The following NIM1K variants were observed in gnomAD, a reference collection of about 807,000 sequenced individuals.
NIM1K encodes serine/threonine-protein kinase NIM1.
In NIM1K, 35 loss-of-function variants were observed where a neutral mutation model predicts 37.1. That is an observed-to-expected ratio of 0.94 (90% CI 0.72 to 1.25). The LOEUF (loss-of-function observed/expected upper bound fraction) is 1.25, where lower values mean the gene tolerates loss of function less well. Among genes scored for constraint, NIM1K ranks in the 50% most tolerant of loss-of-function variants. The pLI, the probability that NIM1K is intolerant of heterozygous loss-of-function variation, is 0.00. For synonymous variants in NIM1K, 234 were observed against 206.6 expected (o/e 1.13, Z -1.14); for missense variants, 564 against 548.0 (o/e 1.03, Z -0.29).
intron 1 of NIM1K, among the ~76,000 whole-genome samples, chr5:43,218,724 C>CA: frequency 7.1e-6 from 1 of 141,136 alleles, no homozygotes; most frequent in South Asian, 2.3e-4. Context: ...TTCTTCTTTT[C>CA]TTTTTTTTTT....
At chr5:43,272,921 C>G (rs1297109138) in intron 2 of NIM1K, among the ~76,000 whole-genome samples, 1 of 152,176 alleles carries the variant, frequency 6.6e-6, no homozygotes, top group Non-Finnish European at 1.5e-5. Context: ...TCCCCACTAA[C>G]TCCCTGTTCC....
intron 2 of NIM1K, among the ~76,000 whole-genome samples, chr5:43,253,099 T>C (rs1752889704): frequency 6.8e-6 from 1 of 148,122 alleles, no homozygotes; most frequent in African/African-American, 2.5e-5. Context: ...CACCTCAGCC[T>C]CCCAAAGCAC....
Position 43,232,534 on chromosome 5 carries a change from C to G in NIM1K, c.-694-12548C>G, listed in dbSNP as rs964219119. 7 of 1,576,858 alleles carry G rather than the reference C, an allele frequency of 4.4e-6. No homozygotes were observed. The African/African-American group carries it at 9.4e-5, about 21-fold the overall frequency. On this transcript the variant is annotated intron_variant, in intron 1 of 3. Coordinates refer to ENST00000326035, the MANE Select transcript of NIM1K (RefSeq NM_153361.4). ...GGCGTTCAGTATCAAGGTTCTATGC[C>G]AGATATCATAAGTGGCCTCATTGTC...
chr5:43,211,286 G>C (rs1455234543), intron 1 of NIM1K, among the ~76,000 whole-genome samples: 1 of 152,168 alleles, frequency 6.6e-6, no homozygotes, highest in African/African-American at 2.4e-5. Flanking sequence ...AACCAATAGG[G>C]AACAGAGATT....
intron 1 of NIM1K, among the ~76,000 whole-genome samples, chr5:43,198,596 A>C (rs1751971630): frequency 6.6e-6 from 1 of 151,946 alleles, no homozygotes; most frequent in African/African-American, 2.4e-5. Context: ...ATTGTCTTTT[A>C]ACCATTTCAG....
At chr5:43,206,704 C>T (rs1752118623) in intron 1 of NIM1K, 1 of 704,168 alleles carries the variant, frequency 1.4e-6, no homozygotes. Context: ...CAGGGCCTCG[C>T]CTCACTAAGG....
At chr5:43,238,232 T>C (rs1579973076) in intron 1 of NIM1K, among the ~76,000 whole-genome samples, 1 of 151,636 alleles carries the variant, frequency 6.6e-6, no homozygotes, top group South Asian at 2.1e-4. Flanking sequence ...TTAGTAGAGA[T>C]GGGGTTTCAC....
In NIM1K at chr5:43,280,832, CTTAA is replaced by C; in HGVS notation, c.*104_*107del. ...GACATTTTTGTAATTTTTAAATAAACTTAAATTTGAGATATGCATTTTTTTTCTC... is the reference window on the plus strand; with the variant it reads ...GACATTTTTGTAATTTTTAAATAAACATTTGAGATATGCATTTTTTTTCTC... On this transcript the variant is annotated 3_prime_UTR_variant, in exon 4 of 4. Coordinates refer to ENST00000326035, the MANE Select transcript of NIM1K (RefSeq NM_153361.4). 1 of 1,157,234 alleles carries C rather than the reference CTTAA, an allele frequency of 8.6e-7. No homozygotes were observed. Among genetic ancestry groups the C allele is most frequent in the South Asian group, 1.9e-5 (1 of 52,782 alleles). The allele number at this position is 1,157,234 out of a possible 1,614,324, so 71.7% of individuals were successfully genotyped here.
intron 2 of NIM1K, among the ~76,000 whole-genome samples, chr5:43,271,045 A>G (rs954002144): frequency 2.6e-5 from 4 of 151,696 alleles, no homozygotes; most frequent in Non-Finnish European, 5.9e-5. Flanking sequence ...TTTAGAAATT[A>G]CAAGCCTGAT....
At chr5:43,193,454 C>T (rs769298490) in intron 1 of NIM1K, 1 of 150,796 alleles carries the variant, frequency 6.6e-6, no homozygotes, top group African/African-American at 2.5e-5. Flanking sequence ...CTGTCTACCC[C>T]CCCTCCCCCA....
intron 2 of NIM1K, among the ~76,000 whole-genome samples, chr5:43,250,349 CTT>C (rs1311413364): frequency 6.6e-6 from 1 of 152,114 alleles, no homozygotes; most frequent in Non-Finnish European, 1.5e-5. Context: ...AATTCTTTAA[CTT>C]AGCCACTATT....
intron 2 of NIM1K, among the ~76,000 whole-genome samples, chr5:43,265,112 G>T (rs776946366): frequency 3.3e-5 from 5 of 152,128 alleles, no homozygotes; most frequent in Non-Finnish European, 5.9e-5. Flanking sequence ...TGCTCTTTTC[G>T]AGGAGTATCT....
At chr5:43,214,741 A>G (rs914652657) in intron 1 of NIM1K, among the ~76,000 whole-genome samples, 8 of 144,546 alleles carry the variant, frequency 5.5e-5, no homozygotes, top group Non-Finnish European at 1.0e-4. Context: ...GCGTGAACCC[A>G]GGAGGCGGAG....
intron 2 of NIM1K, among the ~76,000 whole-genome samples, chr5:43,267,904 T>C (rs897758489): frequency 1.3e-5 from 2 of 152,200 alleles, no homozygotes; most frequent in Non-Finnish European, 2.9e-5. Flanking sequence ...CATGTGCTGA[T>C]GAGAAGAAAG....
intron 1 of NIM1K, chr5:43,232,929 G>T: frequency 8.6e-7 from 1 of 1,157,754 alleles, no homozygotes. Context: ...GGTTGTAGGT[G>T]CCAGTGCAAA....
intron 1 of NIM1K, among the ~76,000 whole-genome samples, chr5:43,240,885 T>G (rs1752690512): frequency 6.6e-6 from 1 of 151,952 alleles, no homozygotes; most frequent in Non-Finnish European, 1.5e-5. Flanking sequence ...TCCCACCTCT[T>G]AACAGTATAT....
In NIM1K at chr5:43,230,640, A is replaced by G. The variant is rs975999845; in HGVS notation, c.-694-14442A>G. ...CACTCCACAGGCCAATTCAATCACA[A>G]TATTTGGGGGGCAGGGCCTAGACTT... On this transcript the variant is annotated intron_variant, in intron 1 of 3. Coordinates refer to ENST00000326035, the MANE Select transcript of NIM1K (RefSeq NM_153361.4). 2.6e-5 allele frequency among the ~76,000 whole-genome samples: 4 copies of G among 152,298 alleles called. No individual in the cohort carries two copies. In the South Asian group the frequency reaches 6.2e-4, roughly 24 times the overall value.
chr5:43,239,249 T>G, intron 1 of NIM1K, among the ~76,000 whole-genome samples: 1 of 152,148 alleles, frequency 6.6e-6, no homozygotes, highest in East Asian at 1.9e-4. Context: ...TTTATTTATT[T>G]TTTTAAGTTG....
chr5:43,206,616 C>T lies in NIM1K; in HGVS notation c.-695+14205C>T, dbSNP rs920837668. 6.2e-6 allele frequency: 4 copies of T among 644,744 alleles called. No individual in the cohort carries two copies. The African/African-American group carries it at 7.2e-5, about 12-fold the overall frequency. The allele number at this position is 644,744 out of a possible 1,614,324, so 39.9% of individuals were successfully genotyped here. ...CGAGCAAGTGCTAGTCCTGGCCTCC[C>T]TGGTGCAGCGCACTCCCTGCCTGCT... On this transcript the variant is annotated intron_variant, in intron 1 of 3. Coordinates refer to ENST00000326035, the MANE Select transcript of NIM1K (RefSeq NM_153361.4).
Sources: allele counts gnomAD v4.1 joint callset (sites outside exome capture counted in the v4.1 genomes callset), GRCh38; gene constraint gnomAD v4.1.1; transcripts MANE v1.5; gene names NCBI Gene and HGNC (gene_info 2026-07-23, HGNC 2026-07-21).